ROR1: variants seen among roughly 807,000 people sequenced by gnomAD.
ROR1 encodes ROR family WNT receptor 1.
Under a neutral mutation model 78.8 loss-of-function variants are expected in ROR1, and 19 were observed. The observed-to-expected ratio is 0.24, with a 90% CI of 0.17 to 0.35. ROR1 has a LOEUF of 0.35. Ranked by LOEUF, ROR1 falls within the 10% of genes least tolerant of loss-of-function variation. The pLI is 1.00. For missense variants in ROR1, 917 were observed against 1,177.8 expected, an observed-to-expected ratio of 0.78 and a Z score of 3.24; for synonymous variants, 386 against 433.6, an observed-to-expected ratio of 0.89 and a Z score of 1.36.
Position 64,174,618 on chromosome 1 carries a change from C to G in ROR1, c.1387-2810C>G, listed in dbSNP as rs573394630. On this transcript the variant is annotated intron_variant, in intron 8 of 8. Coordinates refer to ENST00000371079, the MANE Select transcript of ROR1 (RefSeq NM_005012.4). Reference sequence around the variant, plus strand: ...TTAGTACTCAGTCCCTTAAAGTTCTCTGTCTCCAAAAGCGTAGAGATCTTA... The same window carrying G: ...TTAGTACTCAGTCCCTTAAAGTTCTGTGTCTCCAAAAGCGTAGAGATCTTA... Among the ~76,000 whole-genome samples the G allele has an allele frequency of 2.0e-5, 3 of 152,290 alleles. 1 individual carries two copies. Among genetic ancestry groups the G allele is most frequent in the African/African-American group, 7.2e-5 (3 of 41,560 alleles).
At chr1:64,125,260 A>G (rs1648672417) in intron 4 of ROR1, among the ~76,000 whole-genome samples, 1 of 152,178 alleles carries the variant, frequency 6.6e-6, no homozygotes, top group Non-Finnish European at 1.5e-5. Context: ...ACAAAGAAAA[A>G]CATGGGGTAA....
At chr1:63,928,103 CTT>C (rs1037373169) in intron 1 of ROR1, among the ~76,000 whole-genome samples, 136 of 152,218 alleles carry the variant, frequency 8.9e-4, no homozygotes, top group African/African-American at 3.2e-3. Flanking sequence ...CCAATTCCAT[CTT>C]ATACAGGGAG....
At chr1:63,849,524 C>T (rs632646) in intron 1 of ROR1, among the ~76,000 whole-genome samples, 31,825 of 151,886 alleles carry the variant, frequency 0.21, 7,041 homozygotes, top group African/African-American at 0.56. Context: ...ATAGTGACAC[C>T]TCATCTCTAC....
chr1:63,819,312 T>A (rs562351504), intron 1 of ROR1, among the ~76,000 whole-genome samples: 2 of 152,312 alleles, frequency 1.3e-5, no homozygotes, highest in African/African-American at 4.8e-5. Context: ...CTTTTCTTCC[T>A]GGGGAAGAAG....
chr1:63,942,852 A>G (rs1325272783), intron 1 of ROR1, among the ~76,000 whole-genome samples: 2 of 152,130 alleles, frequency 1.3e-5, no homozygotes, highest in Admixed American at 1.3e-4. Context: ...CAGATTGGGA[A>G]GCTGAGGCCA....
At position 63,870,079 on chromosome 1, in the gene ROR1, C is replaced by T. The variant is rs148637163; in HGVS notation, c.91+95571C>T. On this transcript the variant is annotated intron_variant, in intron 1 of 8. Transcript: ENST00000371079. ...AATGTGTGTGGGCTCACCATTTGTA[C>T]GAGTAAAACTTTTAATATATTTGTG... 1.8e-3 allele frequency among the ~76,000 whole-genome samples: 273 copies of T among 152,236 alleles called. 1 individual carries two copies. The highest frequency in any genetic ancestry group is 0.014 in the Middle Eastern group (4 of 294).
chr1:64,001,225 A>G lies in ROR1; in HGVS notation c.92-8080A>G, dbSNP rs114109193. 1.6e-3 allele frequency among the ~76,000 whole-genome samples: 251 copies of G among 152,370 alleles called. 1 individual carries two copies. The highest frequency in any genetic ancestry group is 5.6e-3 in the African/African-American group (235 of 41,600). On this transcript the variant is annotated intron_variant, in intron 1 of 8. Coordinates refer to ENST00000371079, the MANE Select transcript of ROR1 (RefSeq NM_005012.4). ...TCTCAAGGGCATTATGCTGAGTAAA[A>G]GAAGCCAGTTTTTAAAAGGTCACAT... is the stretch of plus-strand genomic sequence containing the variant.
chr1:64,163,222 A>AACACACAC (rs57880828), intron 8 of ROR1, among the ~76,000 whole-genome samples: 106 of 137,760 alleles, frequency 7.7e-4, no homozygotes, highest in African/African-American at 2.7e-3. Flanking sequence ...CATCTCTACA[A>AACACACAC]ACACACACAC....
chr1:64,173,053 T>C (rs1650282654), intron 8 of ROR1, among the ~76,000 whole-genome samples: 3 of 152,222 alleles, frequency 2.0e-5, no homozygotes, highest in Admixed American at 6.5e-5. Flanking sequence ...GAGTCTATAG[T>C]TAGGATTCAT....
intron 1 of ROR1, among the ~76,000 whole-genome samples, chr1:63,801,842 G>T (rs1644799775): frequency 6.6e-6 from 1 of 152,200 alleles, no homozygotes; most frequent in African/African-American, 2.4e-5. Context: ...TTTGAGCTGG[G>T]TCTGATGTTT....
At chr1:63,903,600 T>C (rs777052653) in intron 1 of ROR1, among the ~76,000 whole-genome samples, 1 of 152,182 alleles carries the variant, frequency 6.6e-6, no homozygotes, top group Non-Finnish European at 1.5e-5. Context: ...TTCCACCTCA[T>C]TCCTGCTCAC....
intron 1 of ROR1, among the ~76,000 whole-genome samples, chr1:63,996,365 A>G (rs1288881339): frequency 6.6e-6 from 1 of 152,190 alleles, no homozygotes; most frequent in East Asian, 1.9e-4. Flanking sequence ...AACTTTGATT[A>G]TTGATCTCCC....
chr1:63,842,253 TTGCC>T (rs4024573), intron 1 of ROR1, among the ~76,000 whole-genome samples: 26,229 of 151,970 alleles, frequency 0.17, 4,894 homozygotes, highest in African/African-American at 0.47. Context: ...GCAAATGAAC[TTGCC>T]TGCCACAGTT....
At chr1:63,780,497 C>A (rs1187785967) in intron 1 of ROR1, among the ~76,000 whole-genome samples, 1 of 152,148 alleles carries the variant, frequency 6.6e-6, no homozygotes, top group African/African-American at 2.4e-5. Context: ...TAACACAGCA[C>A]CATGGACTTA....
intron 1 of ROR1, among the ~76,000 whole-genome samples, chr1:63,932,586 C>T (rs1379557111): frequency 6.6e-6 from 1 of 152,104 alleles, no homozygotes; most frequent in Non-Finnish European, 1.5e-5. Flanking sequence ...GATGGTTCTT[C>T]CCATTTAGAA....
At chr1:64,135,484 G>T (rs1490191041) in intron 4 of ROR1, among the ~76,000 whole-genome samples, 2 of 152,108 alleles carry the variant, frequency 1.3e-5, no homozygotes, top group Middle Eastern at 3.4e-3. Flanking sequence ...AATGCCTAGG[G>T]ATAGAAAAGC....
chr1:64,085,567 C>T (rs1182520314), intron 4 of ROR1, among the ~76,000 whole-genome samples: 1 of 152,136 alleles, frequency 6.6e-6, no homozygotes, highest in Non-Finnish European at 1.5e-5. Context: ...GGGAATAAAT[C>T]TCTGCCGACC....
At chr1:63,931,653 C>T (rs754481451) in intron 1 of ROR1, among the ~76,000 whole-genome samples, 3 of 152,172 alleles carry the variant, frequency 2.0e-5, no homozygotes, top group Admixed American at 1.3e-4. Context: ...CTTTGTCCTG[C>T]GTATCTAAGC....
At chr1:64,115,340 C>T (rs1450225194) in intron 4 of ROR1, among the ~76,000 whole-genome samples, 3 of 152,072 alleles carry the variant, frequency 2.0e-5, no homozygotes, top group Non-Finnish European at 2.9e-5. Flanking sequence ...CTCAGCCTCC[C>T]GAAGAGCTGG....
Sources: allele counts gnomAD v4.1 joint callset (sites outside exome capture counted in the v4.1 genomes callset), GRCh38; gene constraint gnomAD v4.1.1; transcripts MANE v1.5; gene names NCBI Gene and HGNC (gene_info 2026-07-23, HGNC 2026-07-21).